Variants in DRC3 observed in about 807,000 individuals in gnomAD.
DRC3 encodes dynein regulatory complex subunit 3, also known as leucine rich repeat containing 48.
A neutral mutation model predicts 57.6 loss-of-function variants in DRC3; 45 were observed. The ratio of observed to expected loss-of-function variants is 0.78; its 90% CI spans 0.62 to 1.00. The LOEUF (loss-of-function observed/expected upper bound fraction) is 1.00. Ranked by LOEUF, DRC3 falls within the 50% of genes least tolerant of loss-of-function variation. DRC3 has a pLI of 0.00. For synonymous variants in DRC3, 257 were observed against 272.3 expected, an observed-to-expected ratio of 0.94 and a Z score of 0.55; for missense variants, 655 against 675.2, an observed-to-expected ratio of 0.97 and a Z score of 0.33.
chr17:17,979,406 C>T (rs2042544980), intron 3 of DRC3, among the ~76,000 whole-genome samples: 1 of 151,904 alleles, frequency 6.6e-6, no homozygotes, highest in Non-Finnish European at 1.5e-5. Context: ...ACCGTGGAGG[C>T]CAGGGGCCGA....
intron 12 of DRC3, 82 bp from the exon 13 acceptor site, chr17:18,015,982 A>G: frequency 1.3e-6 from 2 of 1,512,490 alleles, no homozygotes; most frequent in Non-Finnish European, 1.8e-6. Context: ...GGGACTTCCA[A>G]ATGCTCCTTC....
intron 13 of DRC3, 74 bp from the exon 14 acceptor site, chr17:18,016,484 C>A: frequency 8.7e-7 from 1 of 1,151,328 alleles, no homozygotes; most frequent in Non-Finnish European, 1.3e-6. Flanking sequence ...TTCCCCTTCC[C>A]TCAAACTGGA....
At position 18,016,827 on chromosome 17, in the gene DRC3, C is replaced by A; in HGVS notation, c.*156C>A. On this transcript the variant is annotated 3_prime_UTR_variant, in exon 14 of 14. Coordinates refer to ENST00000399187, the MANE Select transcript of DRC3 (RefSeq NM_031294.4). ...CTTCCCCCACCCCTGGAAAAACTTC[C>A]AAAAGTAGAGAAAATAAAGGACTCA... is the stretch of plus-strand genomic sequence containing the variant. 2.1e-6 allele frequency: 1 copy of A among 483,382 alleles called. No homozygotes were observed. Among genetic ancestry groups the A allele is most frequent in the Non-Finnish European group, 3.7e-6 (1 of 270,444 alleles). 29.9% of individuals were successfully genotyped at this position (483,382 alleles called of 1,614,324 possible). A position where few individuals can be genotyped will look rare whatever the true frequency, so the allele number is the denominator to read the frequency against.
chr17:18,006,503 A>G (rs2043957217), intron 11 of DRC3: 1 of 554,540 alleles, frequency 1.8e-6, no homozygotes, highest in Non-Finnish European at 3.2e-6. Context: ...CCTGTGTTGC[A>G]GGCAAGCACA....
intron 9 of DRC3, among the ~76,000 whole-genome samples, chr17:18,002,286 T>C (rs2043768021): frequency 6.6e-6 from 1 of 152,160 alleles, no homozygotes; most frequent in Non-Finnish European, 1.5e-5. Flanking sequence ...TCGAGCCTGG[T>C]TTTTCTCCAG....
intron 9 of DRC3, among the ~76,000 whole-genome samples, chr17:18,001,671 C>A (rs1043514983): frequency 1.3e-5 from 2 of 152,092 alleles, no homozygotes; most frequent in African/African-American, 4.8e-5. Flanking sequence ...TGGTTCACAA[C>A]TGTAATCCCA....
At chr17:17,986,963 C>T (rs1014696120) in intron 4 of DRC3, among the ~76,000 whole-genome samples, 1 of 151,994 alleles carries the variant, frequency 6.6e-6, no homozygotes, top group South Asian at 2.1e-4. Context: ...CTGTAATCCC[C>T]ACTTTGGGAG....
At chr17:18,015,721 G>C in intron 12 of DRC3, 1 of 222,356 alleles carries the variant, frequency 4.5e-6, no homozygotes, top group Non-Finnish European at 9.2e-6. Context: ...AGACTTGAGA[G>C]TAATTGAGAG....
In DRC3 at chr17:17,994,310, G is replaced by A. The variant is rs1325466105; in HGVS notation, c.603G>A (p.Ala201=). 20 of 1,552,456 alleles carry A rather than the reference G, an allele frequency of 1.3e-5. No homozygotes were observed. The highest frequency in any genetic ancestry group is 1.7e-4 in the Middle Eastern group (1 of 5,992). The change falls in exon 7 of 14, where the codon GCG becomes GCA. Residue 201 remains alanine (A), a synonymous_variant. Transcript: ENST00000399187. ...CGTTCCCTGGTCAGAAAAAGCTTGC[G>A]GAGGCTAAGCACCAGTACAGCATCG... is the stretch of plus-strand genomic sequence containing the variant. ...RRIDDHTKKL[A]EAKHQYSIDE... is the part of the protein sequence containing the mutation.
chr17:17,997,825 A>T (rs1490511194), intron 9 of DRC3, among the ~76,000 whole-genome samples, 191 bp downstream of exon 9: 1 of 152,132 alleles, frequency 6.6e-6, no homozygotes, highest in East Asian at 1.9e-4. Context: ...TTACACCAGC[A>T]CCACCAACCA....
At chr17:18,009,213 A>C (rs1366415304) in intron 12 of DRC3, among the ~76,000 whole-genome samples, 1 of 152,180 alleles carries the variant, frequency 6.6e-6, no homozygotes, top group Non-Finnish European at 1.5e-5. Flanking sequence ...CTGGAATTTG[A>C]GACCAGCCTG....
At position 18,016,072 on chromosome 17, in the gene DRC3, C is replaced by T; in HGVS notation, c.1335C>T (p.Val445=). The stretch of plus-strand genomic sequence containing the variant: ...TTCTTTTCACTCACCAGCTTTTTGT[C>T]GATAAAGATACGATTGTTAATGCTG... ...DLPNDLRALF[V]DKDTIVNAVG... Residue 445 remains valine (V), a synonymous_variant, in exon 13 of 14, where the codon GTC becomes GTT. Coordinates refer to ENST00000399187, the MANE Select transcript of DRC3 (RefSeq NM_031294.4). 4.3e-6 allele frequency: 7 copies of T among 1,613,410 alleles called. No individual in the cohort carries two copies. The highest frequency in any genetic ancestry group is 5.1e-6 in the Non-Finnish European group (6 of 1,179,474).
intron 5 of DRC3, 76 bp downstream of exon 5, chr17:17,988,174 G>T: frequency 6.9e-7 from 1 of 1,441,512 alleles, no homozygotes; most frequent in African/African-American, 1.4e-5. Context: ...GGGGTCTGTG[G>T]CTAGGGGAAG....
chr17:17,989,297 T>C (rs970664645), intron 5 of DRC3, among the ~76,000 whole-genome samples: 1 of 152,038 alleles, frequency 6.6e-6, no homozygotes, highest in African/African-American at 2.4e-5. Context: ...TGGTGCAGGG[T>C]TGGGCTCAGG....
intron 3 of DRC3, 132 bp downstream of exon 3, chr17:17,977,890 G>C (rs537003907): frequency 2.3e-6 from 2 of 856,366 alleles, no homozygotes; most frequent in East Asian, 2.7e-5. Flanking sequence ...GGCCTACCTG[G>C]GTTACAAGGC....
intron 9 of DRC3, among the ~76,000 whole-genome samples, chr17:18,003,362 T>C (rs1019485570): frequency 6.6e-6 from 1 of 151,516 alleles, no homozygotes; most frequent in Non-Finnish European, 1.5e-5. Context: ...GGCAGGTGCC[T>C]GTAATCCTAG....
chr17:18,007,329 G>A, intron 12 of DRC3, 182 bp downstream of exon 12: 1 of 1,444,262 alleles, frequency 6.9e-7, no homozygotes, highest in Admixed American at 2.0e-5. Context: ...AAAGCACCTG[G>A]TGGGGCACCC....
intron 9 of DRC3, among the ~76,000 whole-genome samples, chr17:18,003,365 A>G (rs2043815676): frequency 6.6e-6 from 1 of 151,474 alleles, no homozygotes; most frequent in South Asian, 2.1e-4. Context: ...AGGTGCCTGT[A>G]ATCCTAGCTA....
Position 17,994,323 on chromosome 17 carries a change from C to CGAA in DRC3, c.616_617insGAA (p.Gln206delinsArgLys). The CGAA allele has an allele frequency of 1.3e-6, 2 of 1,553,688 alleles. No individual in the cohort carries two copies. Among genetic ancestry groups the CGAA allele is most frequent in the East Asian group, 4.9e-5 (2 of 40,964 alleles). The stretch of plus-strand genomic sequence containing the variant: ...GAAAAAGCTTGCGGAGGCTAAGCAC[C>CGAA]AGTACAGCATCGACGAGCTGAAGCA... On this transcript the variant is annotated protein_altering_variant, in exon 7 of 14. Transcript: ENST00000399187.
Sources: allele counts gnomAD v4.1 joint callset (sites outside exome capture counted in the v4.1 genomes callset), GRCh38; gene constraint gnomAD v4.1.1; transcripts MANE v1.5; gene names NCBI Gene and HGNC (gene_info 2026-07-23, HGNC 2026-07-21).